Variants in FMN2 observed in about 807,000 individuals in gnomAD.
FMN2 encodes the protein formin 2.
A neutral mutation model predicts 142.3 loss-of-function variants in FMN2; 51 were observed. The ratio of observed to expected loss-of-function variants is 0.36; its 90% CI spans 0.29 to 0.45. The LOEUF (loss-of-function observed/expected upper bound fraction) is 0.45, where lower values mean the gene tolerates loss of function less well. Among genes scored for constraint, FMN2 ranks in the 20% least tolerant of loss-of-function variants. The pLI is 1.00. For synonymous variants in FMN2, 882 were observed against 869.8 expected, an observed-to-expected ratio of 1.01 and a Z score of -0.25; for missense variants, 1,936 against 2,122.8, an observed-to-expected ratio of 0.91 and a Z score of 1.73.
At chr1:240,285,347 G>A (rs1287724824) in intron 7 of FMN2, 1 of 453,406 alleles carries the variant, frequency 2.2e-6, no homozygotes, top group African/African-American at 2.0e-5. Context: ...TAAGACAGAA[G>A]AACATGTATA....
At chr1:240,328,300 T>C (rs1671262622) in intron 8 of FMN2, among the ~76,000 whole-genome samples, 2 of 151,730 alleles carry the variant, frequency 1.3e-5, no homozygotes, top group Non-Finnish European at 2.9e-5. Flanking sequence ...ATAAATACTT[T>C]TTTTCTTTAA....
rs141619594 is a variant in FMN2, at chr1:240,261,910, T to C, written c.4153+3878T>C. On this transcript the variant is annotated intron_variant, in intron 7 of 17. Coordinates refer to ENST00000319653, the MANE Select transcript of FMN2 (RefSeq NM_020066.5). ...GTTTATAGTAATTTGAAGTCTGAGA[T>C]GAAAGTGCCTTCCAGAGAAGATTTA... Among the ~76,000 whole-genome samples the C allele has an allele frequency of 3.4e-4, 51 of 152,232 alleles. 1 individual carries two copies. The highest frequency in any genetic ancestry group is 9.1e-4 in the African/African-American group (38 of 41,554).
chr1:240,333,369 C>A (rs1279974034), intron 11 of FMN2, among the ~76,000 whole-genome samples: 1 of 152,008 alleles, frequency 6.6e-6, no homozygotes, highest in Non-Finnish European at 1.5e-5. Context: ...AAAAGCTCCC[C>A]TTTACTTAGT....
chr1:240,353,475 G>C (rs1572221700), intron 13 of FMN2, among the ~76,000 whole-genome samples: 1 of 152,242 alleles, frequency 6.6e-6, no homozygotes, highest in Admixed American at 6.5e-5. Flanking sequence ...TATTTATACA[G>C]CAACTAACCC....
chr1:240,358,133 G>A lies in FMN2; in HGVS notation c.4858+2225G>A, dbSNP rs115226737. 3.6e-3 allele frequency among the ~76,000 whole-genome samples: 548 copies of A among 152,102 alleles called. 2 individuals are homozygous for A. Among genetic ancestry groups the A allele is most frequent in the Non-Finnish European group, 6.5e-3 (440 of 68,002 alleles). On this transcript the variant is annotated intron_variant, in intron 14 of 17. Transcript: ENST00000319653. ...TTTTATTTCTTCTTTGCATCTGTTCGAGTTTTCTGTTTCTTTGTTCATTTA... is the reference window on the plus strand; with the variant it reads ...TTTTATTTCTTCTTTGCATCTGTTCAAGTTTTCTGTTTCTTTGTTCATTTA...
At chr1:240,259,193 GC>G (rs927712041) in intron 7 of FMN2, among the ~76,000 whole-genome samples, 1 of 152,204 alleles carries the variant, frequency 6.6e-6, no homozygotes, top group African/African-American at 2.4e-5. Flanking sequence ...GGCAGATGTA[GC>G]CCAGTTAAGT....
At chr1:240,239,376 G>A (rs917620003) in intron 6 of FMN2, among the ~76,000 whole-genome samples, 1 of 152,190 alleles carries the variant, frequency 6.6e-6, no homozygotes, top group African/African-American at 2.4e-5. Context: ...CCATCAGAAA[G>A]AAGACTATTT....
chr1:240,143,895 C>T, intron 2 of FMN2: 1 of 1,583,608 alleles, frequency 6.3e-7, no homozygotes, highest in Non-Finnish European at 8.7e-7. Context: ...AGGACATCTT[C>T]ATGATTTGAG....
chr1:240,276,493 G>A (rs1240737013), intron 7 of FMN2, among the ~76,000 whole-genome samples: 1 of 152,186 alleles, frequency 6.6e-6, no homozygotes. Flanking sequence ...TGGGGGTTAA[G>A]TAGAGGATAA....
chr1:240,134,682 AG>A (rs1397858607), intron 2 of FMN2, among the ~76,000 whole-genome samples: 1 of 152,118 alleles, frequency 6.6e-6, no homozygotes, highest in Non-Finnish European at 1.5e-5. Context: ...ACACTTGAAG[AG>A]GGAGAAGATG....
intron 4 of FMN2, among the ~76,000 whole-genome samples, chr1:240,193,076 T>C (rs1665772120): frequency 6.6e-6 from 1 of 151,838 alleles, no homozygotes; most frequent in Non-Finnish European, 1.5e-5. Context: ...GGCTTGGGGG[T>C]GAAATGAAGT....
intron 8 of FMN2, among the ~76,000 whole-genome samples, chr1:240,314,937 A>G (rs752846606): frequency 6.6e-6 from 1 of 152,156 alleles, no homozygotes; most frequent in African/African-American, 2.4e-5. Context: ...TTTCCTGCGC[A>G]TTCACTCTTT....
chr1:240,332,569 G>A (rs993687271), intron 11 of FMN2, among the ~76,000 whole-genome samples: 2 of 151,964 alleles, frequency 1.3e-5, no homozygotes, highest in Admixed American at 1.3e-4. Flanking sequence ...GACTTTTTTG[G>A]TATCAGTTTA....
chr1:240,144,307 C>T (rs895274316), intron 2 of FMN2: 1 of 1,607,566 alleles, frequency 6.2e-7, no homozygotes, highest in South Asian at 1.1e-5. Flanking sequence ...TGCCCCCAAA[C>T]CTGTTGTTCT....
chr1:240,191,925 A>T (rs1051454546), intron 4 of FMN2, among the ~76,000 whole-genome samples: 3 of 152,232 alleles, frequency 2.0e-5, no homozygotes, highest in Non-Finnish European at 4.4e-5. Flanking sequence ...GTCTTTGAAC[A>T]TTATAATATT....
intron 15 of FMN2, among the ~76,000 whole-genome samples, chr1:240,427,105 CTAATA>C (rs1339543747): frequency 6.6e-6 from 1 of 151,662 alleles, no homozygotes; most frequent in Non-Finnish European, 1.5e-5. Flanking sequence ...TGATTAGGCC[CTAATA>C]TCACCAAATA....
At chr1:240,172,298 C>T (rs1386238720) in intron 2 of FMN2, among the ~76,000 whole-genome samples, 1 of 152,070 alleles carries the variant, frequency 6.6e-6, no homozygotes, top group Admixed American at 6.6e-5. Flanking sequence ...ACAAACAGCA[C>T]AAATGCCAAG....
chr1:240,184,236 CTT>C (rs34050336), intron 3 of FMN2, among the ~76,000 whole-genome samples: 219 of 79,426 alleles, frequency 2.8e-3, no homozygotes, highest in African/African-American at 0.01. Context: ...AATATTTAAC[CTT>C]TTTTTTTTTT....
intron 2 of FMN2, among the ~76,000 whole-genome samples, chr1:240,136,586 G>T (rs537110603): frequency 6.6e-6 from 1 of 152,014 alleles, no homozygotes; most frequent in African/African-American, 2.4e-5. Flanking sequence ...ACAGTGTTGG[G>T]TGACTCAGAA....
Sources: allele counts gnomAD v4.1 joint callset (sites outside exome capture counted in the v4.1 genomes callset), GRCh38; gene constraint gnomAD v4.1.1; transcripts MANE v1.5; gene names NCBI Gene and HGNC (gene_info 2026-07-23, HGNC 2026-07-21).